The following CACNA2D3 variants were observed in gnomAD, a reference collection of about 807,000 sequenced individuals.
CACNA2D3 encodes the protein voltage-dependent calcium channel subunit alpha-2/delta-3.
Under a neutral mutation model 160.6 loss-of-function variants are expected in CACNA2D3, and 60 were observed. The ratio of observed to expected loss-of-function variants is 0.37; its 90% CI spans 0.30 to 0.46. The LOEUF (loss-of-function observed/expected upper bound fraction) is 0.46. Among genes scored for constraint, CACNA2D3 ranks in the 20% least tolerant of loss-of-function variants. The probability of loss-of-function intolerance (pLI) is 1.00; values close to 1 mark genes in which losing one functional copy is unlikely to be tolerated. For missense variants in CACNA2D3, 1,205 were observed against 1,365.0 expected (o/e 0.88, Z 1.85); for synonymous variants, 558 against 492.9 (o/e 1.13, Z -1.75).
intron 35 of CACNA2D3, among the ~76,000 whole-genome samples, chr3:55,068,896 TAA>T (rs1704731971): frequency 6.6e-6 from 1 of 152,222 alleles, no homozygotes; most frequent in Admixed American, 6.5e-5. Flanking sequence ...AAATAGGGTG[TAA>T]AAGATTTCCA....
At chr3:54,283,406 T>C (rs1324370753) in intron 2 of CACNA2D3, among the ~76,000 whole-genome samples, 1 of 152,240 alleles carries the variant, frequency 6.6e-6, no homozygotes, top group African/African-American at 2.4e-5. Flanking sequence ...CAGAATATAA[T>C]GTGAAGTTGC....
intron 11 of CACNA2D3, among the ~76,000 whole-genome samples, chr3:54,737,684 A>C (rs1474163955): frequency 2.0e-5 from 3 of 152,040 alleles, no homozygotes; most frequent in African/African-American, 7.2e-5. Context: ...CTCTTTTTTG[A>C]GATGGAGTCT....
chr3:54,776,791 C>T (rs924332961), intron 13 of CACNA2D3, among the ~76,000 whole-genome samples: 9 of 152,184 alleles, frequency 5.9e-5, no homozygotes, highest in Non-Finnish European at 1.3e-4. Context: ...CAGCCTCCCC[C>T]TGGCCCCACA....
At chr3:55,026,007 T>C (rs1031278522) in intron 35 of CACNA2D3, among the ~76,000 whole-genome samples, 9 of 152,166 alleles carry the variant, frequency 5.9e-5, no homozygotes, top group African/African-American at 1.9e-4. Context: ...AACTGTAAGT[T>C]TGCAGCTTGA....
At chr3:54,742,048 G>A (rs372671779) in intron 11 of CACNA2D3, among the ~76,000 whole-genome samples, 2 of 152,056 alleles carry the variant, frequency 1.3e-5, no homozygotes, top group East Asian at 2.0e-4. Context: ...TATATTTTTC[G>A]TAGAGATGAG....
intron 2 of CACNA2D3, among the ~76,000 whole-genome samples, chr3:54,305,729 G>A (rs983114471): frequency 1.3e-5 from 2 of 152,284 alleles, no homozygotes; most frequent in Admixed American, 1.3e-4. Flanking sequence ...TACAGTCTTG[G>A]GAGAATTCAG....
intron 4 of CACNA2D3, among the ~76,000 whole-genome samples, chr3:54,477,857 C>T (rs1200646384): frequency 6.6e-6 from 1 of 152,166 alleles, no homozygotes; most frequent in Non-Finnish European, 1.5e-5. Context: ...GTGGTGTACC[C>T]TCTTGTACTT....
intron 35 of CACNA2D3, among the ~76,000 whole-genome samples, chr3:55,063,085 C>T (rs781072577): frequency 8.5e-5 from 13 of 152,128 alleles, no homozygotes; most frequent in Non-Finnish European, 1.8e-4. Context: ...TTGAGAAGGA[C>T]GGCTTAATGG....
chr3:54,362,091 C>T (rs1197189533), intron 3 of CACNA2D3, among the ~76,000 whole-genome samples: 3 of 152,214 alleles, frequency 2.0e-5, no homozygotes, highest in Admixed American at 6.5e-5. Context: ...CCCACCATAA[C>T]AAATCACCAC....
chr3:54,984,092 C>T (rs73845239), intron 29 of CACNA2D3, among the ~76,000 whole-genome samples: 1 of 152,138 alleles, frequency 6.6e-6, no homozygotes, highest in Non-Finnish European at 1.5e-5. Context: ...TCTGCCCCTT[C>T]CCCCCTGCCT....
At chr3:54,941,196 CA>C (rs1464774696) in intron 27 of CACNA2D3, among the ~76,000 whole-genome samples, 1 of 152,144 alleles carries the variant, frequency 6.6e-6, no homozygotes, top group Non-Finnish European at 1.5e-5. Flanking sequence ...CAAACTTGTT[CA>C]AGTTGTTAAA....
intron 5 of CACNA2D3, among the ~76,000 whole-genome samples, chr3:54,559,028 T>TCTC (rs999752072): frequency 2.6e-5 from 4 of 152,126 alleles, no homozygotes; most frequent in African/African-American, 7.2e-5. Flanking sequence ...AGTGAAAGTT[T>TCTC]CTCCTCCTCC....
intron 9 of CACNA2D3, among the ~76,000 whole-genome samples, chr3:54,601,264 C>T (rs2106773262): frequency 6.6e-6 from 1 of 152,270 alleles, no homozygotes; most frequent in Non-Finnish European, 1.5e-5. Flanking sequence ...AGTGCAGTGG[C>T]ATGATCATAG....
At chr3:54,977,471 G>A (rs190275791) in intron 29 of CACNA2D3, among the ~76,000 whole-genome samples, 47 of 152,284 alleles carry the variant, frequency 3.1e-4, no homozygotes, top group African/African-American at 1.1e-3. Context: ...AATATTTACA[G>A]TATTAGGCAA....
At chr3:54,148,974 CAAA>C (rs543235870) in intron 2 of CACNA2D3, among the ~76,000 whole-genome samples, 8 of 116,586 alleles carry the variant, frequency 6.9e-5, no homozygotes, top group South Asian at 3.0e-4. Context: ...AAAACTCCAT[CAAA>C]AAAAAAAAAA....
At chr3:54,259,397 C>A (rs1363100896) in intron 2 of CACNA2D3, among the ~76,000 whole-genome samples, 1 of 152,074 alleles carries the variant, frequency 6.6e-6, no homozygotes, top group Non-Finnish European at 1.5e-5. Flanking sequence ...GTTCTTAATT[C>A]TTTAGGTTTG....
At chr3:54,401,127 A>T (rs1304213488) in intron 4 of CACNA2D3, among the ~76,000 whole-genome samples, 1 of 152,096 alleles carries the variant, frequency 6.6e-6, no homozygotes, top group Non-Finnish European at 1.5e-5. Context: ...CTTCAACATC[A>T]GACTAGATCA....
intron 2 of CACNA2D3, among the ~76,000 whole-genome samples, chr3:54,169,212 A>G (rs1286520020): frequency 6.6e-6 from 1 of 152,230 alleles, no homozygotes; most frequent in Non-Finnish European, 1.5e-5. Flanking sequence ...CGAAAGTATC[A>G]AGGCTGAAAT....
chr3:54,829,196 C>A (rs1444802109), intron 14 of CACNA2D3, among the ~76,000 whole-genome samples: 1 of 152,202 alleles, frequency 6.6e-6, no homozygotes, highest in Non-Finnish European at 1.5e-5. Flanking sequence ...CCCTGCCCCA[C>A]GTTTCAGTGG....
Sources: gnomAD v4.1 joint callset for allele counts (sites outside exome capture counted in the v4.1 genomes callset) on GRCh38, gnomAD v4.1.1 for gene constraint, MANE v1.5 for transcripts, NCBI Gene and HGNC (gene_info 2026-07-23, HGNC 2026-07-21) for gene names.